Variants in UBE3C observed in about 807,000 individuals in gnomAD.
The protein encoded by UBE3C is ubiquitin protein ligase E3C.
UBE3C carries 42 observed loss-of-function variants against 129.4 expected under a neutral mutation model. The ratio of observed to expected loss-of-function variants is 0.32; its 90% CI spans 0.25 to 0.42. The LOEUF (loss-of-function observed/expected upper bound fraction) is 0.42, where lower values mean the gene tolerates loss of function less well. Among genes scored for constraint, UBE3C ranks in the 10% least tolerant of loss-of-function variants. The probability of loss-of-function intolerance (pLI) is 1.00; values close to 1 mark genes in which losing one functional copy is unlikely to be tolerated. For synonymous variants in UBE3C, 510 were observed against 492.4 expected, an observed-to-expected ratio of 1.04 and a Z score of -0.47; for missense variants, 1,049 against 1,319.1, an observed-to-expected ratio of 0.80 and a Z score of 3.17.
chr7:157,198,286 G>A, intron 10 of UBE3C: 2 of 929,298 alleles, frequency 2.2e-6, no homozygotes, highest in East Asian at 4.8e-5. Flanking sequence ...GGCTCTTGAA[G>A]ACTGCAGCTT....
At chr7:157,214,671 C>A (rs1369649145) in intron 13 of UBE3C, among the ~76,000 whole-genome samples, 3 of 152,182 alleles carry the variant, frequency 2.0e-5, no homozygotes, top group African/African-American at 4.8e-5. Flanking sequence ...AAAGATTGTA[C>A]TTCTGTTCCT....
Position 157,170,331 on chromosome 7 carries a change from C to G in UBE3C, c.223C>G (p.Arg75Gly). ...QYSIQRSAFD[R>G]CATLSQSGGA... Reference sequence around the variant, plus strand: ...TTCCATCCAAAGAAGTGCATTTGATCGCTGTGCTACCTTGTCACAGTCCGG... The same window carrying G: ...TTCCATCCAAAGAAGTGCATTTGATGGCTGTGCTACCTTGTCACAGTCCGG... Residue 75 changes from arginine (R) to glycine (G), a missense_variant, in exon 4 of 23, where the codon CGC becomes GGC. Physicochemically the swap from Arg to Gly is moderately radical, Grantham distance 125 (BLOSUM62 -2). Transcript: ENST00000348165. The G allele has an allele frequency of 6.6e-7, 1 of 1,524,334 alleles. No homozygotes were observed. Among genetic ancestry groups the G allele is most frequent in the South Asian group, 1.3e-5 (1 of 76,984 alleles). 94.4% of individuals were successfully genotyped at this position (1,524,334 alleles called of 1,614,324 possible).
At chr7:157,260,040 G>A (rs901785998) in intron 22 of UBE3C, among the ~76,000 whole-genome samples, 6 of 152,166 alleles carry the variant, frequency 3.9e-5, no homozygotes, top group African/African-American at 1.2e-4. Context: ...TAATAAAGAC[G>A]TATAAACTTA....
chr7:157,152,535 T>G (rs974869273), intron 1 of UBE3C, among the ~76,000 whole-genome samples: 5 of 152,202 alleles, frequency 3.3e-5, no homozygotes, highest in African/African-American at 1.2e-4. Context: ...TGCAGATCCT[T>G]GCGCTCCTCA....
chr7:157,213,963 T>A (rs12531196), intron 13 of UBE3C, among the ~76,000 whole-genome samples: 1 of 152,138 alleles, frequency 6.6e-6, no homozygotes, highest in African/African-American at 2.4e-5. Context: ...TATTATTTGA[T>A]ATAAATAAAT....
intron 10 of UBE3C, among the ~76,000 whole-genome samples, chr7:157,187,381 G>GTTTTTTTT (rs10637384): frequency 1.5e-4 from 21 of 142,916 alleles, no homozygotes; most frequent in East Asian, 6.2e-4. Context: ...GTTTTATGGG[G>GTTTTTTTT]TTTTTTTTTT....
At chr7:157,160,134 G>A (rs1239264166) in intron 1 of UBE3C, among the ~76,000 whole-genome samples, 3 of 151,604 alleles carry the variant, frequency 2.0e-5, no homozygotes, top group Non-Finnish European at 4.4e-5. Flanking sequence ...GAGTGCAGTG[G>A]CATGATTTCG....
At chr7:157,162,646 C>T (rs1808103312) in intron 1 of UBE3C, among the ~76,000 whole-genome samples, 1 of 150,794 alleles carries the variant, frequency 6.6e-6, no homozygotes, top group Non-Finnish European at 1.5e-5. Context: ...CCTAAGTGAT[C>T]CTCCCACCTC....
chr7:157,225,281 C>T, intron 16 of UBE3C, 126 bp from the exon 17 acceptor site: 2 of 1,076,568 alleles, frequency 1.9e-6, no homozygotes, highest in Non-Finnish European at 2.6e-6. Flanking sequence ...GATTTGATAC[C>T]TTGACTATTA....
chr7:157,163,312 G>T (rs1388489263), intron 1 of UBE3C, among the ~76,000 whole-genome samples: 1 of 150,308 alleles, frequency 6.7e-6, no homozygotes, highest in Non-Finnish European at 1.5e-5. Context: ...GCGTGAACCC[G>T]GGAGGCGGAG....
intron 18 of UBE3C, among the ~76,000 whole-genome samples, chr7:157,232,955 A>C (rs528804380): frequency 6.6e-6 from 1 of 152,326 alleles, no homozygotes; most frequent in East Asian, 1.9e-4. Flanking sequence ...GGTTTTTAAT[A>C]TATTCACTGT....
At chr7:157,143,672 T>C (rs1016514975) in intron 1 of UBE3C, among the ~76,000 whole-genome samples, 1 of 152,130 alleles carries the variant, frequency 6.6e-6, no homozygotes, top group African/African-American at 2.4e-5. Context: ...TTGGTTCAGA[T>C]GGAACAGTCT....
chr7:157,202,007 TAG>T (rs1419571217), intron 11 of UBE3C, among the ~76,000 whole-genome samples, 200 bp downstream of exon 11: 6 of 152,194 alleles, frequency 3.9e-5, no homozygotes, highest in Non-Finnish European at 7.3e-5. Flanking sequence ...GTATATATTA[TAG>T]AGAGTATGGT....
chr7:157,142,521 A>C (rs921467581), intron 1 of UBE3C, among the ~76,000 whole-genome samples: 2 of 152,148 alleles, frequency 1.3e-5, no homozygotes, highest in African/African-American at 4.8e-5. Context: ...GTCCTGAAGG[A>C]TGGGTGTAAT....
intron 1 of UBE3C, among the ~76,000 whole-genome samples, chr7:157,156,276 C>G (rs35216117): frequency 0.17 from 25,627 of 149,148 alleles, 4,035 homozygotes; most frequent in African/African-American, 0.42. Context: ...GAGCCTTTCA[C>G]CTCCACTCCT....
At chr7:157,234,487 T>C (rs1796103911) in intron 18 of UBE3C, among the ~76,000 whole-genome samples, 1 of 152,198 alleles carries the variant, frequency 6.6e-6, no homozygotes, top group South Asian at 2.1e-4. Context: ...TGTGTGGATT[T>C]ATTAATAGCA....
At chr7:157,180,937 C>T (rs1211283016) in intron 6 of UBE3C, among the ~76,000 whole-genome samples, 1 of 152,166 alleles carries the variant, frequency 6.6e-6, no homozygotes, top group African/African-American at 2.4e-5. Context: ...GCTCAGGAGC[C>T]TCCTAAAGCC....
intron 13 of UBE3C, among the ~76,000 whole-genome samples, chr7:157,211,992 C>T (rs142891275): frequency 4.3e-4 from 65 of 152,306 alleles, no homozygotes; most frequent in African/African-American, 1.3e-3. Flanking sequence ...TGTTTTCCAA[C>T]GAGGTCATGT....
At chr7:157,162,661 C>T (rs1449765825) in intron 1 of UBE3C, among the ~76,000 whole-genome samples, 2 of 151,740 alleles carry the variant, frequency 1.3e-5, no homozygotes, top group African/African-American at 4.8e-5. Flanking sequence ...CACCTCAGCC[C>T]CCTGAGTAGC....
Sources: gnomAD v4.1 joint callset for allele counts (sites outside exome capture counted in the v4.1 genomes callset) on GRCh38, gnomAD v4.1.1 for gene constraint, MANE v1.5 for transcripts, NCBI Gene and HGNC (gene_info 2026-07-23, HGNC 2026-07-21) for gene names.